The following RUNX2 variants were observed in gnomAD, a reference collection of about 807,000 sequenced individuals.
The protein encoded by RUNX2 is runt-related transcription factor 2.
A neutral mutation model predicts 51.7 loss-of-function variants in RUNX2; 10 were observed. The observed-to-expected ratio is 0.19, with a 90% CI of 0.12 to 0.33. The LOEUF is 0.33. Among genes scored for constraint, RUNX2 ranks in the 10% least tolerant of loss-of-function variants. The pLI, the probability that RUNX2 is intolerant of heterozygous loss-of-function variation, is 1.00. For synonymous variants in RUNX2, 276 were observed against 273.6 expected, an observed-to-expected ratio of 1.01 and a Z score of -0.09; for missense variants, 562 against 691.3, an observed-to-expected ratio of 0.81 and a Z score of 2.10.
At chr6:45,537,439 G>A (rs542694363) in intron 7 of RUNX2, among the ~76,000 whole-genome samples, 59 of 152,312 alleles carry the variant, frequency 3.9e-4, no homozygotes, top group African/African-American at 1.4e-3. Flanking sequence ...CTGTAACTTC[G>A]ACGAAATCAC....
chr6:45,381,558 G>A (rs1797241600), intron 2 of RUNX2, among the ~76,000 whole-genome samples: 1 of 151,934 alleles, frequency 6.6e-6, no homozygotes, highest in African/African-American at 2.4e-5. Flanking sequence ...CTCCTCAGTA[G>A]CTGGGACTAC....
intron 2 of RUNX2, among the ~76,000 whole-genome samples, chr6:45,378,114 CG>C (rs1178481503): frequency 6.6e-6 from 1 of 152,010 alleles, no homozygotes; most frequent in African/African-American, 2.4e-5. Context: ...CCACGCTCGC[CG>C]GGGGCGGGGC....
chr6:45,542,513 A>G (rs560368564), intron 7 of RUNX2, among the ~76,000 whole-genome samples: 8 of 152,180 alleles, frequency 5.3e-5, no homozygotes, highest in Non-Finnish European at 1.0e-4. Flanking sequence ...AGCAGGTCCT[A>G]AGGGGATCAT....
At chr6:45,482,162 T>A (rs2150400548) in intron 5 of RUNX2, among the ~76,000 whole-genome samples, 1 of 152,372 alleles carries the variant, frequency 6.6e-6, no homozygotes, top group Non-Finnish European at 1.5e-5. Flanking sequence ...ACTTCTCATC[T>A]TGTATATTTC....
At chr6:45,353,841 G>A (rs1193540968) in intron 2 of RUNX2, among the ~76,000 whole-genome samples, 6 of 150,738 alleles carry the variant, frequency 4.0e-5, no homozygotes, top group African/African-American at 1.2e-4. Context: ...GTGCTGGCGG[G>A]GAAAATAGGG....
chr6:45,365,551 T>TATA (rs1036953877), intron 2 of RUNX2, among the ~76,000 whole-genome samples: 6 of 151,474 alleles, frequency 4.0e-5, no homozygotes, highest in Admixed American at 2.6e-4. Flanking sequence ...GCACCTATTT[T>TATA]ACAATAGGTA....
intron 5 of RUNX2, among the ~76,000 whole-genome samples, chr6:45,471,853 T>G (rs1799813012): frequency 6.6e-6 from 1 of 152,140 alleles, no homozygotes; most frequent in Admixed American, 6.5e-5. Flanking sequence ...TTACCTTCCT[T>G]TTCTCTATTA....
chr6:45,450,768 A>G (rs1799146569), intron 5 of RUNX2, among the ~76,000 whole-genome samples: 1 of 152,202 alleles, frequency 6.6e-6, no homozygotes, highest in Admixed American at 6.5e-5. Context: ...GAACACAGTC[A>G]GTATCAGAAT....
rs372340475 is a variant in RUNX2 at position 45,328,383 on chromosome 6, G to A, written c.-144G>A. ...CAAGTGCGGTGCAAACTTTCTCCAG[G>A]AGGACAGCAAGAAGTCTCTGGTTTT... On this transcript the variant is annotated 5_prime_UTR_variant, in exon 1 of 9. Transcript: ENST00000647337. 79 of 1,394,640 alleles carry A rather than the reference G, an allele frequency of 5.7e-5. No individual in the cohort carries two copies. The Middle Eastern group carries it at 8.1e-4, about 14-fold the overall frequency. The allele number at this position is 1,394,640 out of a possible 1,614,324, so 86.4% of individuals were successfully genotyped here.
chr6:45,514,019 C>T (rs1322441609), intron 7 of RUNX2, among the ~76,000 whole-genome samples: 1 of 152,144 alleles, frequency 6.6e-6, no homozygotes, highest in East Asian at 1.9e-4. Context: ...ACAGAATAGA[C>T]TTATGCAAAC....
chr6:45,414,296 G>A (rs1471167983), intron 2 of RUNX2, among the ~76,000 whole-genome samples: 1 of 152,096 alleles, frequency 6.6e-6, no homozygotes. Flanking sequence ...TGGCTTGGCT[G>A]CTTGTAGCCA....
At chr6:45,431,516 C>T (rs1188698899) in intron 3 of RUNX2, among the ~76,000 whole-genome samples, 1 of 152,192 alleles carries the variant, frequency 6.6e-6, no homozygotes, top group Non-Finnish European at 1.5e-5. Flanking sequence ...GTGCCTTGAT[C>T]TGTATGATGC....
chr6:45,533,749 GGTA>G (rs548788104), intron 7 of RUNX2, among the ~76,000 whole-genome samples: 34 of 152,218 alleles, frequency 2.2e-4, no homozygotes, highest in African/African-American at 6.3e-4. Context: ...TTAAATAAAA[GGTA>G]GTAGTTTGGT....
chr6:45,366,994 A>G (rs1795242622), intron 2 of RUNX2, among the ~76,000 whole-genome samples: 2 of 152,186 alleles, frequency 1.3e-5, no homozygotes, highest in African/African-American at 4.8e-5. Context: ...TCATAAAGGG[A>G]ATCTAAACCA....
chr6:45,534,388 T>C (rs1563128256), intron 7 of RUNX2, among the ~76,000 whole-genome samples: 1 of 152,184 alleles, frequency 6.6e-6, no homozygotes, highest in Non-Finnish European at 1.5e-5. Context: ...TGACTACCTC[T>C]CAGGCTCTTT....
At chr6:45,413,430 T>C (rs1797996265) in intron 2 of RUNX2, among the ~76,000 whole-genome samples, 1 of 5,200 alleles carries the variant, frequency 1.9e-4, no homozygotes, top group Non-Finnish European at 5.6e-4. Flanking sequence ...AGATACATTC[T>C]TTTTTTTTTT....
rs76138511 is a variant in RUNX2 at position 45,411,072 on chromosome 6, C to T, written c.59-11521C>T. 6.9e-3 allele frequency among the ~76,000 whole-genome samples: 1,056 copies of T among 152,268 alleles called. 17 individuals are homozygous for T. Among genetic ancestry groups the T allele is most frequent in the African/African-American group, 0.024 (1,011 of 41,556 alleles). On this transcript the variant is annotated intron_variant, in intron 2 of 8. Transcript: ENST00000647337. ...TCAAAGGGAAGAGACCAAGTCTCCA[C>T]TCCAATATAAACCTTCTGAAAGTTT...
chr6:45,424,311 C>T (rs1368762227), intron 3 of RUNX2, among the ~76,000 whole-genome samples: 2 of 152,218 alleles, frequency 1.3e-5, no homozygotes, highest in Admixed American at 1.3e-4. Context: ...CCCCCAGGGC[C>T]CAGCGCACAC....
rs1802518029 is a variant in RUNX2 at position 45,550,016 on chromosome 6, T to C, written c.*2711T>C. The C allele has an allele frequency of 1.3e-5, 2 of 152,134 alleles. No homozygotes were observed. The highest frequency in any genetic ancestry group is 4.1e-4 in the South Asian group (2 of 4,820). The allele number at this position is 152,134 out of a possible 1,614,324, so 9.4% of individuals were successfully genotyped here. A position where few individuals can be genotyped will look rare whatever the true frequency, so the allele number is the denominator to read the frequency against. On this transcript the variant is annotated 3_prime_UTR_variant, in exon 9 of 9. Coordinates refer to ENST00000647337, the MANE Select transcript of RUNX2 (RefSeq NM_001024630.4). Reference sequence around the variant, plus strand: ...TTTCTTTCTTTCTTTTTTTTTTTTTTTCACTGAACCCTTAATTTGCACTGG... The same window carrying C: ...TTTCTTTCTTTCTTTTTTTTTTTTTCTCACTGAACCCTTAATTTGCACTGG...
Sources: gnomAD v4.1 joint callset for allele counts (sites outside exome capture counted in the v4.1 genomes callset) on GRCh38, gnomAD v4.1.1 for gene constraint, MANE v1.5 for transcripts, NCBI Gene and HGNC (gene_info 2026-07-23, HGNC 2026-07-21) for gene names.